Variants in ANO3 observed in about 807,000 individuals in gnomAD.
The protein encoded by ANO3 is anoctamin-3.
ANO3 carries 99 observed loss-of-function variants against 144.8 expected under a neutral mutation model. The ratio of observed to expected loss-of-function variants is 0.68; its 90% CI spans 0.58 to 0.81. The LOEUF (loss-of-function observed/expected upper bound fraction) is 0.81, where lower values mean the gene tolerates loss of function less well. Ranked by LOEUF, ANO3 falls within the 30% of genes least tolerant of loss-of-function variation. ANO3 has a pLI of 0.00. For missense variants in ANO3, 905 were observed against 1,202.2 expected (o/e 0.75, Z 3.66); for synonymous variants, 414 against 392.6 (o/e 1.05, Z -0.64).
chr11:26,532,125 G>T, intron 8 of ANO3, among the ~76,000 whole-genome samples: 1 of 152,178 alleles, frequency 6.6e-6, no homozygotes, highest in East Asian at 1.9e-4. Context: ...AAGGGTGGAT[G>T]AAACAGATTT....
At chr11:26,456,450 C>T (rs9666884) in intron 3 of ANO3, among the ~76,000 whole-genome samples, 133,698 of 151,210 alleles carry the variant, frequency 0.88, 59,772 homozygotes, top group East Asian at 1. Flanking sequence ...AAGACATTTA[C>T]GCAGCCAAAA....
chr11:26,453,776 C>T (rs1859039558), intron 3 of ANO3, among the ~76,000 whole-genome samples: 1 of 152,130 alleles, frequency 6.6e-6, no homozygotes, highest in African/African-American at 2.4e-5. Flanking sequence ...ACAAAATTTA[C>T]ATTTTTTTCA....
chr11:26,469,058 A>G (rs577456142), intron 4 of ANO3, among the ~76,000 whole-genome samples: 3 of 151,912 alleles, frequency 2.0e-5, no homozygotes, highest in Non-Finnish European at 4.4e-5. Context: ...CAATCAGTCC[A>G]AAGTAATCTC....
intron 1 of ANO3, among the ~76,000 whole-genome samples, chr11:26,367,509 C>T (rs761377391): frequency 6.6e-6 from 1 of 151,988 alleles, no homozygotes; most frequent in Non-Finnish European, 1.5e-5. Context: ...CCTCATCTGT[C>T]TTCTTCTGAG....
chr11:26,563,387 T>TTC lies in ANO3; in HGVS notation c.1447+3616_1447+3617dup, dbSNP rs768122711. 1,352 of 889,380 alleles carry TTC rather than the reference T, an allele frequency of 1.5e-3. 11 individuals are homozygous for TTC. Among genetic ancestry groups the TTC allele is most frequent in the East Asian group, 3.5e-3 (123 of 34,774 alleles). 55.1% of individuals were successfully genotyped at this position (889,380 alleles called of 1,614,324 possible). ...ATTTTAAAATTAGATAATGGTGTGTTTCTCTCTCTGTGTGTGTGTGTGTGT... is the reference window on the plus strand; with the variant it reads ...ATTTTAAAATTAGATAATGGTGTGTTTCTCTCTCTCTGTGTGTGTGTGTGTGT... On this transcript the variant is annotated intron_variant, in intron 14 of 26. Transcript: ENST00000256737.
chr11:26,263,942 A>G (rs1853251443), intron 1 of ANO3, among the ~76,000 whole-genome samples: 1 of 152,238 alleles, frequency 6.6e-6, no homozygotes. Flanking sequence ...TGATTTCAGA[A>G]TATCAGGTTT....
At chr11:26,491,399 A>G (rs1860702958) in intron 4 of ANO3, among the ~76,000 whole-genome samples, 1 of 152,218 alleles carries the variant, frequency 6.6e-6, no homozygotes, top group Admixed American at 6.5e-5. Flanking sequence ...GACACATATA[A>G]GCAGTGTTTT....
chr11:26,358,801 GGATT>G (rs1855852274), intron 1 of ANO3, among the ~76,000 whole-genome samples: 3 of 151,678 alleles, frequency 2.0e-5, no homozygotes, highest in African/African-American at 7.3e-5. Flanking sequence ...CTTTAATTTT[GGATT>G]GTTTTTCTTG....
chr11:26,290,325 T>C (rs897833237), intron 1 of ANO3, among the ~76,000 whole-genome samples: 1 of 152,040 alleles, frequency 6.6e-6, no homozygotes, highest in East Asian at 1.9e-4. Context: ...GTCTTGCTAG[T>C]GGTCTATCAA....
chr11:26,377,252 C>T (rs7129294), intron 1 of ANO3, among the ~76,000 whole-genome samples: 2,433 of 151,982 alleles, frequency 0.016, 23 homozygotes, highest in African/African-American at 0.022. Context: ...CATGCATTGG[C>T]AAAACTAAAA....
chr11:26,376,143 A>C (rs1170192963), intron 1 of ANO3, among the ~76,000 whole-genome samples: 1 of 152,198 alleles, frequency 6.6e-6, no homozygotes, highest in Non-Finnish European at 1.5e-5. Flanking sequence ...CATGTATTTG[A>C]TTACCAAATG....
At chr11:26,209,319 T>C (rs186295846) in intron 1 of ANO3, among the ~76,000 whole-genome samples, 2 of 152,228 alleles carry the variant, frequency 1.3e-5, no homozygotes, top group Non-Finnish European at 1.5e-5. Flanking sequence ...GCAAAAGACA[T>C]GAACTCATCT....
intron 26 of ANO3, among the ~76,000 whole-genome samples, chr11:26,657,090 TTGAG>T (rs1482898858): frequency 1.3e-5 from 2 of 152,150 alleles, no homozygotes; most frequent in African/African-American, 2.4e-5. Context: ...CTGGGATATA[TTGAG>T]TATCTACTCT....
intron 14 of ANO3, among the ~76,000 whole-genome samples, chr11:26,594,813 G>A (rs1054895859): frequency 2.0e-5 from 3 of 152,112 alleles, no homozygotes; most frequent in African/African-American, 7.2e-5. Flanking sequence ...TGCACATATG[G>A]CACTTCACTC....
intron 1 of ANO3, 123 bp from the exon 2 acceptor site, chr11:26,441,795 T>A: frequency 1.5e-6 from 1 of 666,736 alleles, no homozygotes; most frequent in Non-Finnish European, 2.5e-6. Flanking sequence ...CAATTATTTC[T>A]AATATCTAAG....
At chr11:26,416,587 C>T (rs1222618937) in intron 1 of ANO3, among the ~76,000 whole-genome samples, 2 of 151,874 alleles carry the variant, frequency 1.3e-5, no homozygotes, top group Non-Finnish European at 2.9e-5. Context: ...CCACCATGCC[C>T]AGCTAGTTTT....
chr11:26,351,614 G>T (rs925863053), intron 1 of ANO3, among the ~76,000 whole-genome samples: 4 of 152,136 alleles, frequency 2.6e-5, no homozygotes, highest in African/African-American at 9.7e-5. Context: ...AAGGAAAATG[G>T]CTTCCAGAAA....
intron 1 of ANO3, among the ~76,000 whole-genome samples, chr11:26,401,409 C>A (rs1441722298): frequency 6.6e-6 from 1 of 152,052 alleles, no homozygotes; most frequent in Non-Finnish European, 1.5e-5. Flanking sequence ...ATAGTATCCG[C>A]TTTCCTGGTA....
At chr11:26,324,070 G>C (rs1854827171) in intron 1 of ANO3, among the ~76,000 whole-genome samples, 1 of 152,144 alleles carries the variant, frequency 6.6e-6, no homozygotes, top group Non-Finnish European at 1.5e-5. Context: ...TGGTAGATAA[G>C]AAAAGCCCTA....
Sources: allele counts gnomAD v4.1 joint callset (sites outside exome capture counted in the v4.1 genomes callset), GRCh38; gene constraint gnomAD v4.1.1; transcripts MANE v1.5; gene names NCBI Gene and HGNC (gene_info 2026-07-23, HGNC 2026-07-21).